CHRM3: variants seen among roughly 807,000 people sequenced by gnomAD.
The protein encoded by CHRM3 is cholinergic receptor muscarinic 3.
In CHRM3, 11 loss-of-function variants were observed where a neutral mutation model predicts 41.8. That is an observed-to-expected ratio of 0.26 (90% CI 0.17 to 0.44). The LOEUF (loss-of-function observed/expected upper bound fraction) is 0.44. Ranked by LOEUF, CHRM3 falls within the 20% of genes least tolerant of loss-of-function variation. CHRM3 has a pLI of 1.00. For synonymous variants in CHRM3, 297 were observed against 301.4 expected (o/e 0.99, Z 0.15); for missense variants, 571 against 745.4 (o/e 0.77, Z 2.72).
At chr1:239,897,333 T>C (rs186646393) in intron 6 of CHRM3, among the ~76,000 whole-genome samples, 2 of 152,002 alleles carry the variant, frequency 1.3e-5, no homozygotes, top group Admixed American at 1.3e-4. Flanking sequence ...CGATCACGAG[T>C]CTAACTTAAT....
At chr1:239,482,314 G>A (rs1490807275) in intron 1 of CHRM3, among the ~76,000 whole-genome samples, 1 of 152,098 alleles carries the variant, frequency 6.6e-6, no homozygotes, top group Non-Finnish European at 1.5e-5. Flanking sequence ...TTCTGTCCAC[G>A]TGGACATGCG....
intron 6 of CHRM3, among the ~76,000 whole-genome samples, chr1:239,896,749 T>C (rs1436029529): frequency 6.6e-6 from 1 of 152,188 alleles, no homozygotes; most frequent in Non-Finnish European, 1.5e-5. Flanking sequence ...TCAGCATTGA[T>C]AGCGTCTGCC....
chr1:239,686,742 C>T (rs1481069385), intron 5 of CHRM3, among the ~76,000 whole-genome samples: 2 of 152,090 alleles, frequency 1.3e-5, no homozygotes, highest in Non-Finnish European at 2.9e-5. Context: ...CCATGAATTT[C>T]TTGATTTATC....
intron 2 of CHRM3, among the ~76,000 whole-genome samples, chr1:239,534,924 T>A (rs2148354034): frequency 6.6e-6 from 1 of 152,332 alleles, no homozygotes; most frequent in East Asian, 1.9e-4. Flanking sequence ...ATTTTGAAGA[T>A]GCTATATTTT....
intron 5 of CHRM3, among the ~76,000 whole-genome samples, chr1:239,709,378 T>C (rs1661533515): frequency 6.6e-6 from 1 of 152,222 alleles, no homozygotes; most frequent in African/African-American, 2.4e-5. Flanking sequence ...AAAATAGTCA[T>C]ACTCTTGACA....
At chr1:239,525,674 A>C (rs1669946648) in intron 2 of CHRM3, among the ~76,000 whole-genome samples, 1 of 152,210 alleles carries the variant, frequency 6.6e-6, no homozygotes, top group South Asian at 2.1e-4. Flanking sequence ...TTTATATAAC[A>C]GCTTAATTTT....
chr1:239,519,540 G>T (rs1235775329), intron 2 of CHRM3, among the ~76,000 whole-genome samples: 1 of 152,010 alleles, frequency 6.6e-6, no homozygotes, highest in Non-Finnish European at 1.5e-5. Flanking sequence ...GGTTAAGGCA[G>T]GCACAAGTAT....
intron 6 of CHRM3, among the ~76,000 whole-genome samples, chr1:239,887,551 C>T (rs1441283124): frequency 6.6e-6 from 1 of 152,180 alleles, no homozygotes; most frequent in African/African-American, 2.4e-5. Flanking sequence ...CTAATTAAAC[C>T]TTCAGAAACT....
intron 1 of CHRM3, among the ~76,000 whole-genome samples, chr1:239,434,195 C>T (rs1247451587): frequency 6.6e-6 from 1 of 152,188 alleles, no homozygotes; most frequent in Non-Finnish European, 1.5e-5. Flanking sequence ...TGGAAGGTTT[C>T]CCTCAGTTAC....
At chr1:239,661,970 C>T (rs369235491) in intron 4 of CHRM3, among the ~76,000 whole-genome samples, 85 of 151,424 alleles carry the variant, frequency 5.6e-4, no homozygotes, top group African/African-American at 1.9e-3. Context: ...TTCTGCAAAC[C>T]TAAAACTACC....
chr1:239,403,030 T>C (rs546761114), intron 1 of CHRM3, among the ~76,000 whole-genome samples: 3 of 152,214 alleles, frequency 2.0e-5, no homozygotes, highest in Non-Finnish European at 4.4e-5. Context: ...GGGCTGACTG[T>C]ACATCTTTTT....
intron 2 of CHRM3, among the ~76,000 whole-genome samples, chr1:239,519,061 C>A (rs1016669407): frequency 1.3e-4 from 19 of 151,994 alleles, no homozygotes; most frequent in Non-Finnish European, 2.5e-4. Context: ...TTCAGCTTTA[C>A]CTTTCTGACT....
chr1:239,420,175 G>A (rs887715470), intron 1 of CHRM3, among the ~76,000 whole-genome samples: 2 of 152,078 alleles, frequency 1.3e-5, no homozygotes, highest in Non-Finnish European at 2.9e-5. Flanking sequence ...TTTAGTGGTC[G>A]CTTTTCATCA....
At chr1:239,642,713 T>A (rs950423386) in intron 4 of CHRM3, among the ~76,000 whole-genome samples, 1 of 152,220 alleles carries the variant, frequency 6.6e-6, no homozygotes, top group African/African-American at 2.4e-5. Flanking sequence ...TGGTTTGAAT[T>A]TCCTCCTGTA....
chr1:239,516,128 AG>A (rs1390431722), intron 2 of CHRM3, among the ~76,000 whole-genome samples: 1 of 152,120 alleles, frequency 6.6e-6, no homozygotes, highest in South Asian at 2.1e-4. Context: ...AACCATTTGT[AG>A]GCTAGTCCTG....
intron 1 of CHRM3, among the ~76,000 whole-genome samples, chr1:239,392,086 A>C (rs139972153): frequency 5.9e-5 from 9 of 152,318 alleles, no homozygotes; most frequent in Admixed American, 1.3e-4. Context: ...GGAAAATTTT[A>C]GCTATGACCT....
chr1:239,704,788 G>T (rs1312194425), intron 5 of CHRM3: 1 of 152,172 alleles, frequency 6.6e-6, no homozygotes, highest in Non-Finnish European at 1.5e-5. Flanking sequence ...GGAGCTTAGA[G>T]GAATACATTT....
Position 239,914,733 on chromosome 1 carries a change from A to G in CHRM3, c.*5509A>G, listed in dbSNP as rs1017864455. 1 of 167,198 alleles carries G rather than the reference A, an allele frequency of 6.0e-6. No individual in the cohort carries two copies. Among genetic ancestry groups the G allele is most frequent in the African/African-American group, 2.4e-5 (1 of 41,586 alleles). The allele number at this position is 167,198 out of a possible 1,614,324, so 10.4% of individuals were successfully genotyped here. ...TGGAGGGCCTGGAGAGTTCATAAAC[A>G]TAGTTTTCTGTGCAAGTGAAGATCT... is the stretch of plus-strand genomic sequence containing the variant. On this transcript the variant is annotated 3_prime_UTR_variant, in exon 7 of 7. Transcript: ENST00000676153.
intron 5 of CHRM3, among the ~76,000 whole-genome samples, chr1:239,717,082 A>C (rs753366989): frequency 1.3e-5 from 2 of 151,816 alleles, no homozygotes; most frequent in Non-Finnish European, 2.9e-5. Context: ...CCATGAGTAC[A>C]TTTTCCAAAA....
Sources: gnomAD v4.1 joint callset for allele counts (sites outside exome capture counted in the v4.1 genomes callset) on GRCh38, gnomAD v4.1.1 for gene constraint, MANE v1.5 for transcripts, NCBI Gene and HGNC (gene_info 2026-07-23, HGNC 2026-07-21) for gene names.